Variants in CCDC91 observed in about 807,000 individuals in gnomAD.
The protein encoded by CCDC91 is coiled-coil domain containing 91.
CCDC91 carries 48 observed loss-of-function variants against 63.2 expected under a neutral mutation model. The observed-to-expected ratio is 0.76, with a 90% confidence interval of 0.60 to 0.97. The LOEUF (loss-of-function observed/expected upper bound fraction) is 0.97, where lower values mean the gene tolerates loss of function less well. Among genes scored for constraint, CCDC91 ranks in the 50% least tolerant of loss-of-function variants. The pLI is 0.00. For missense variants in CCDC91, 500 were observed against 494.6 expected, an observed-to-expected ratio of 1.01 and a Z score of -0.10; for synonymous variants, 167 against 165.8, an observed-to-expected ratio of 1.01 and a Z score of -0.06.
At chr12:28,303,290 A>G (rs555497853) in intron 3 of CCDC91, among the ~76,000 whole-genome samples, 1 of 152,236 alleles carries the variant, frequency 6.6e-6, no homozygotes, top group Non-Finnish European at 1.5e-5. Context: ...GGGTCATAGT[A>G]TGGTACTAGC....
At chr12:28,438,506 C>T (rs1949023572) in intron 8 of CCDC91, among the ~76,000 whole-genome samples, 1 of 151,980 alleles carries the variant, frequency 6.6e-6, no homozygotes, top group Admixed American at 6.6e-5. Context: ...ATAAATCATC[C>T]AGTCTGTGGT....
chr12:28,208,012 A>C (rs1942975388), intron 1 of CCDC91, among the ~76,000 whole-genome samples: 1 of 152,176 alleles, frequency 6.6e-6, no homozygotes, highest in African/African-American at 2.4e-5. Flanking sequence ...CTTGGTATTT[A>C]ATTAATTTTT....
At chr12:28,202,443 T>C (rs1008299514) in intron 1 of CCDC91, among the ~76,000 whole-genome samples, 1 of 152,200 alleles carries the variant, frequency 6.6e-6, no homozygotes, top group Non-Finnish European at 1.5e-5. Flanking sequence ...TTGTTATTTG[T>C]TTGCATAGTG....
At chr12:28,236,691 G>C (rs1330627944) in intron 1 of CCDC91, 2 of 151,968 alleles carry the variant, frequency 1.3e-5, no homozygotes, top group Non-Finnish European at 2.9e-5. Flanking sequence ...ATACTGGCGA[G>C]CCACAATTTA....
intron 12 of CCDC91, among the ~76,000 whole-genome samples, chr12:28,510,026 G>A (rs1159129203): frequency 1.3e-5 from 2 of 151,822 alleles, no homozygotes; most frequent in African/African-American, 2.4e-5. Flanking sequence ...GCAAGTAGGG[G>A]TACCCATGTA....
chr12:28,521,482 C>T (rs1370673293), intron 12 of CCDC91, among the ~76,000 whole-genome samples: 9 of 151,920 alleles, frequency 5.9e-5, no homozygotes, highest in South Asian at 2.1e-4. Flanking sequence ...GCTGAGACGA[C>T]GTGGTTTTCT....
intron 8 of CCDC91, among the ~76,000 whole-genome samples, chr12:28,444,118 C>T (rs1444960722): frequency 6.6e-6 from 1 of 152,074 alleles, no homozygotes. Flanking sequence ...ACTTAATGTG[C>T]CCCTGATGGA....
At chr12:28,290,842 A>G (rs1949203636) in intron 3 of CCDC91, among the ~76,000 whole-genome samples, 1 of 152,128 alleles carries the variant, frequency 6.6e-6, no homozygotes, top group African/African-American at 2.4e-5. Flanking sequence ...AAAGTATGCT[A>G]TATTTTAGCA....
intron 1 of CCDC91, among the ~76,000 whole-genome samples, chr12:28,210,936 AT>A (rs1463636010): frequency 6.6e-6 from 1 of 151,536 alleles, no homozygotes; most frequent in East Asian, 1.9e-4. Flanking sequence ...CTCATTTATT[AT>A]TATTTTTTTC....
intron 3 of CCDC91, among the ~76,000 whole-genome samples, chr12:28,281,632 G>A (rs115935760): frequency 0.01 from 1,595 of 152,114 alleles, 36 homozygotes; most frequent in African/African-American, 0.037. Context: ...TTGTGTATGT[G>A]TATGTTTCTC....
chr12:28,219,172 T>A (rs547742196), intron 1 of CCDC91, among the ~76,000 whole-genome samples: 2 of 152,302 alleles, frequency 1.3e-5, no homozygotes, highest in South Asian at 4.1e-4. Flanking sequence ...GCATTTCAGT[T>A]TTAATTTACA....
At chr12:28,338,417 C>G (rs185403472) in intron 6 of CCDC91, among the ~76,000 whole-genome samples, 2 of 151,738 alleles carry the variant, frequency 1.3e-5, no homozygotes. Flanking sequence ...GTGCTTCACC[C>G]GTGAATCTTG....
intron 11 of CCDC91, among the ~76,000 whole-genome samples, chr12:28,455,563 A>T (rs1316806958): frequency 6.6e-6 from 1 of 152,126 alleles, no homozygotes; most frequent in Non-Finnish European, 1.5e-5. Context: ...ACAGATCATT[A>T]TCTGATAACA....
intron 7 of CCDC91, among the ~76,000 whole-genome samples, chr12:28,372,970 A>G (rs1235405500): frequency 2.0e-5 from 3 of 152,070 alleles, no homozygotes; most frequent in Admixed American, 6.6e-5. Flanking sequence ...GTGGTTTGGC[A>G]TGTTTGGCTT....
chr12:28,241,500 C>T (rs945230168), intron 1 of CCDC91, among the ~76,000 whole-genome samples: 1 of 152,144 alleles, frequency 6.6e-6, no homozygotes, highest in African/African-American at 2.4e-5. Flanking sequence ...TCATTTCCTT[C>T]ATTCCTGTAC....
At chr12:28,402,194 G>A (rs1274497191) in intron 8 of CCDC91, among the ~76,000 whole-genome samples, 1 of 152,098 alleles carries the variant, frequency 6.6e-6, no homozygotes, top group African/African-American at 2.4e-5. Flanking sequence ...CATGGCACAC[G>A]CTCAGTTGTG....
chr12:28,194,461 A>G (rs1941565158), intron 1 of CCDC91, among the ~76,000 whole-genome samples: 1 of 151,950 alleles, frequency 6.6e-6, no homozygotes, highest in South Asian at 2.1e-4. Flanking sequence ...AGAAGTTCAG[A>G]TGTGTCTGGA....
At chr12:28,239,821 G>A (rs937116668) in intron 1 of CCDC91, among the ~76,000 whole-genome samples, 1 of 152,034 alleles carries the variant, frequency 6.6e-6, no homozygotes, top group Non-Finnish European at 1.5e-5. Flanking sequence ...AAATATATAT[G>A]TATTTATTTG....
intron 6 of CCDC91, among the ~76,000 whole-genome samples, chr12:28,321,159 T>C (rs1940458757): frequency 6.6e-6 from 1 of 151,890 alleles, no homozygotes; most frequent in African/African-American, 2.4e-5. Context: ...CTACTTCATC[T>C]TTATTATTTA....
Sources: gnomAD v4.1 joint callset for allele counts (sites outside exome capture counted in the v4.1 genomes callset) on GRCh38, gnomAD v4.1.1 for gene constraint, MANE v1.5 for transcripts, NCBI Gene and HGNC (gene_info 2026-07-23, HGNC 2026-07-21) for gene names.